The following SGCB variants were observed in gnomAD, a reference collection of about 807,000 sequenced individuals.
The protein encoded by SGCB is sarcoglycan beta.
SGCB carries 25 observed loss-of-function variants against 27.3 expected under a neutral mutation model. The observed-to-expected ratio is 0.92, with a 90% confidence interval of 0.67 to 1.28. SGCB has a LOEUF of 1.28. Among genes scored for constraint, SGCB ranks in the 50% most tolerant of loss-of-function variants. The pLI, the probability that SGCB is intolerant of heterozygous loss-of-function variation, is 0.00. For missense variants in SGCB, 436 were observed against 402.1 expected (o/e 1.08, Z -0.72); for synonymous variants, 147 against 133.5 (o/e 1.10, Z -0.70).
intron 1 of SGCB, among the ~76,000 whole-genome samples, chr4:52,037,608 G>T (rs1401715882): frequency 6.6e-6 from 1 of 152,162 alleles, no homozygotes; most frequent in African/African-American, 2.4e-5. Context: ...TTGGGGGGAT[G>T]AGGAGCCTTT....
chr4:52,031,458 A>G (rs1465270056), intron 2 of SGCB, among the ~76,000 whole-genome samples: 1 of 140,122 alleles, frequency 7.1e-6, no homozygotes, highest in African/African-American at 2.7e-5. Flanking sequence ...GTGCACGCGC[A>G]TATCTATGAG....
At position 52,028,050 on chromosome 4, in the gene SGCB, G is replaced by T. The variant is rs1737148241; in HGVS notation, c.671C>A (p.Ala224Asp). The change falls in exon 5 of 6, where the codon GCT becomes GAT. Residue 224 changes from alanine (A) to aspartate (D), a missense_variant. Ala to Asp is a moderately radical substitution (Grantham distance 126). Coordinates refer to ENST00000381431, the MANE Select transcript of SGCB (RefSeq NM_000232.5). ...TACACCTTCATTTCCACGCACAATA[G>T]CACGCCCATCAACTTTTATATTTAA... The part of the protein sequence containing the change: ...SDLNIKVDGR[A>D]IVRGNEGVFI... The T allele has an allele frequency of 6.2e-7, 1 of 1,613,042 alleles. No individual in the cohort carries two copies. The highest frequency in any genetic ancestry group is 8.5e-7 in the Non-Finnish European group (1 of 1,179,156).
In SGCB at chr4:52,033,524, A is replaced by G. The variant is rs765583649; in HGVS notation, c.150T>C (p.Asp50=). 6.2e-7 allele frequency: 1 copy of G among 1,613,828 alleles called. No homozygotes were observed. Among genetic ancestry groups the G allele is most frequent in the South Asian group, 1.1e-5 (1 of 91,070 alleles). The change falls in exon 2 of 6, where the codon GAT becomes GAC. Residue 50 remains aspartate (D), a synonymous_variant. Transcript: ENST00000381431. The part of the protein sequence containing the change: ...FKAGYIPIDE[D]RLHKTGLRGR... ...CTCTCAACCCTGTTTTGTGGAGACG[A>G]TCTTCATCAATCGGAATGTATCCAG...
intron 1 of SGCB, among the ~76,000 whole-genome samples, chr4:52,037,007 A>T (rs1737410128): frequency 6.6e-6 from 1 of 152,190 alleles, no homozygotes; most frequent in African/African-American, 2.4e-5. Flanking sequence ...CGTAAATTTG[A>T]AGTGGAGACT....
chr4:52,031,392 CTGTGTGTGTGTGTATGTGTGTG>C (rs139566042), intron 2 of SGCB, among the ~76,000 whole-genome samples: 66 of 140,250 alleles, frequency 4.7e-4, no homozygotes, highest in African/African-American at 1.4e-3. Flanking sequence ...CCATTCATCT[CTGTGTGTGTGTGTATGTGTGTG>C]TGTGTGTGTG....
rs192439221 is a variant in SGCB at position 52,024,970 on chromosome 4, C to A, written c.754-810G>T. Among the ~76,000 whole-genome samples, 6 of 152,128 alleles carry A rather than the reference C, an allele frequency of 3.9e-5. No individual in the cohort carries two copies. In the East Asian group the frequency reaches 9.7e-4, roughly 24 times the overall value. On this transcript the variant is annotated intron_variant, in intron 5 of 5. Transcript: ENST00000381431. ...GGCACTCTAGTCTGGAGGTTCTTCA[C>A]GCCCACTGTTCCAGAAACATTCTCT... is the stretch of plus-strand genomic sequence containing the variant.
chr4:52,038,139 AC>A, intron 1 of SGCB, 87 bp downstream of exon 1: 1 of 913,912 alleles, frequency 1.1e-6, no homozygotes, highest in Non-Finnish European at 1.2e-6. Flanking sequence ...CGCCCCCCGC[AC>A]CCCCGGCCAG....
intron 2 of SGCB, among the ~76,000 whole-genome samples, chr4:52,030,422 G>A (rs1737217294): frequency 6.6e-6 from 1 of 151,856 alleles, no homozygotes. Context: ...TATAAATATT[G>A]TTCATTACCA....
In SGCB at chr4:52,029,882, C is replaced by A. The variant is rs1402510405; in HGVS notation, c.244-19G>T. On this transcript the variant is annotated intron_variant, in intron 2 of 5. Transcript: ENST00000381431. ...GTGTTATCTGAAAAAGAACACAAGT[C>A]CACTGTTGGTAGGCCGCATACATTT... 6.3e-7 allele frequency: 1 copy of A among 1,595,572 alleles called. No homozygotes were observed. Among genetic ancestry groups the A allele is most frequent in the South Asian group, 1.1e-5 (1 of 90,716 alleles).
chr4:52,021,631 T>A lies in SGCB; in HGVS notation c.*2326A>T, dbSNP rs1245348807. ...GAGAGCCGAGATTGTGCCACTGCAC[T>A]CCAGCCTGGCGACAGAACAAGACTC... is the stretch of plus-strand genomic sequence containing the variant. On this transcript the variant is annotated 3_prime_UTR_variant, in exon 6 of 6. Transcript: ENST00000381431. The A allele has an allele frequency of 6.6e-6, 1 of 152,220 alleles. No homozygotes were observed. The highest frequency in any genetic ancestry group is 1.9e-4 in the East Asian group (1 of 5,184). 9.4% of individuals were successfully genotyped at this position (152,220 alleles called of 1,614,324 possible). A position where few individuals can be genotyped will look rare whatever the true frequency, so the allele number is the denominator to read the frequency against.
chr4:52,028,553 G>A (rs1242751008), intron 4 of SGCB, among the ~76,000 whole-genome samples, 177 bp downstream of exon 4: 1 of 151,918 alleles, frequency 6.6e-6, no homozygotes, highest in Non-Finnish European at 1.5e-5. Context: ...GGAGAATGGC[G>A]TGAATCCGGG....
intron 1 of SGCB, among the ~76,000 whole-genome samples, chr4:52,033,977 G>A (rs974840884): frequency 2.0e-5 from 3 of 151,686 alleles, no homozygotes; most frequent in Admixed American, 6.6e-5. Flanking sequence ...ATTTTTTTAC[G>A]TATACAACTG....
At chr4:52,037,709 G>A (rs542777672) in intron 1 of SGCB, among the ~76,000 whole-genome samples, 1 of 152,298 alleles carries the variant, frequency 6.6e-6, no homozygotes, top group East Asian at 1.9e-4. Context: ...TTTTAGACTG[G>A]TGACTAAATC....
chr4:52,034,226 G>A (rs551562969), intron 1 of SGCB, among the ~76,000 whole-genome samples: 1 of 126,752 alleles, frequency 7.9e-6, no homozygotes, highest in East Asian at 2.2e-4. Context: ...CAGCTACTCC[G>A]GAGGCTGAGG....
Position 52,022,850 on chromosome 4 carries a change from TATA to T in SGCB, c.*1104_*1106del, listed in dbSNP as rs547345510. ...GTAGGTAAATTTGACCTCTCCATCG[TATA>T]ATATTTTGGAATTGGCCCAACATAG... is the stretch of plus-strand genomic sequence containing the variant. On this transcript the variant is annotated 3_prime_UTR_variant, in exon 6 of 6. Coordinates refer to ENST00000381431, the MANE Select transcript of SGCB (RefSeq NM_000232.5). 8.5e-5 allele frequency: 13 copies of T among 152,368 alleles called. No individual in the cohort carries two copies. In the South Asian group the frequency reaches 2.3e-3, roughly 27 times the overall value. 9.4% of individuals were successfully genotyped at this position (152,368 alleles called of 1,614,324 possible).
At chr4:52,030,847 T>G (rs1737227890) in intron 2 of SGCB, among the ~76,000 whole-genome samples, 1 of 152,174 alleles carries the variant, frequency 6.6e-6, no homozygotes, top group South Asian at 2.1e-4. Context: ...AGAAGTAAAA[T>G]TTTTTGGAAA....
intron 1 of SGCB, among the ~76,000 whole-genome samples, chr4:52,037,337 T>C (rs1250041663): frequency 6.6e-6 from 1 of 152,214 alleles, no homozygotes; most frequent in Non-Finnish European, 1.5e-5. Context: ...GTGACATATA[T>C]CTAATAGGTC....
rs143751283 is a variant in SGCB, at chr4:52,033,522, C to T, written c.152G>A (p.Arg51His). 27 of 1,613,604 alleles carry T rather than the reference C, an allele frequency of 1.7e-5. No individual in the cohort carries two copies. In the African/African-American group the frequency reaches 2.9e-4, roughly 18 times the overall value. The change falls in exon 2 of 6, where the codon CGT becomes CAT. Residue 51 changes from arginine (R) to histidine (H), a missense_variant. By Grantham distance (29) the Arg-to-His change is conservative. Transcript: ENST00000381431. ...KAGYIPIDED[R>H]LHKTGLRGRK... ...TCCTCTCAACCCTGTTTTGTGGAGA[C>T]GATCTTCATCAATCGGAATGTATCC...
chr4:52,036,017 A>G (rs1737382561), intron 1 of SGCB, among the ~76,000 whole-genome samples: 1 of 152,224 alleles, frequency 6.6e-6, no homozygotes, highest in African/African-American at 2.4e-5. Flanking sequence ...CATAGTGTCC[A>G]CCCTCAAGGA....
Sources: gnomAD v4.1 joint callset for allele counts (sites outside exome capture counted in the v4.1 genomes callset) on GRCh38, gnomAD v4.1.1 for gene constraint, MANE v1.5 for transcripts, NCBI Gene and HGNC (gene_info 2026-07-23, HGNC 2026-07-21) for gene names.